GRID2: variants seen among roughly 807,000 people sequenced by gnomAD.
The protein encoded by GRID2 is glutamate receptor ionotropic, delta-2.
GRID2 carries 33 observed loss-of-function variants against 114.8 expected under a neutral mutation model. That is an observed-to-expected ratio of 0.29 (90% confidence interval 0.22 to 0.38). The LOEUF is 0.38. Among genes scored for constraint, GRID2 ranks in the 10% least tolerant of loss-of-function variants. The pLI, the probability that GRID2 is intolerant of heterozygous loss-of-function variation, is 1.00. For missense variants in GRID2, 1,184 were observed against 1,257.7 expected (o/e 0.94, Z 0.89); for synonymous variants, 505 against 449.9 (o/e 1.12, Z -1.55).
intron 2 of GRID2, among the ~76,000 whole-genome samples, chr4:92,854,053 C>T (rs1029703393): frequency 1.8e-4 from 27 of 151,552 alleles, no homozygotes; most frequent in Non-Finnish European, 4.0e-4. Flanking sequence ...TGCAATGACT[C>T]CAGAGTGCCA....
intron 2 of GRID2, among the ~76,000 whole-genome samples, chr4:92,756,723 A>AT (rs1429852216): frequency 2.6e-5 from 4 of 151,884 alleles, no homozygotes; most frequent in East Asian, 1.9e-4. Flanking sequence ...GATGTTGAAC[A>AT]TTTTTTCATA....
At chr4:92,502,222 T>C (rs1723719683) in intron 1 of GRID2, among the ~76,000 whole-genome samples, 1 of 152,132 alleles carries the variant, frequency 6.6e-6, no homozygotes, top group South Asian at 2.1e-4. Flanking sequence ...TTTTCTATTT[T>C]ATAAGTTCAA....
In GRID2 at chr4:93,361,782, A is replaced by G. The variant is rs181482990; in HGVS notation, c.1246-33825A>G. On this transcript the variant is annotated intron_variant, in intron 8 of 15. Transcript: ENST00000282020. ...AAGGACAGCAGAGACTGAGGTAAATAGTATTAATGTGTGGAAACAGGCATG... is the reference window on the plus strand; with the variant it reads ...AAGGACAGCAGAGACTGAGGTAAATGGTATTAATGTGTGGAAACAGGCATG... Among the ~76,000 whole-genome samples the G allele has an allele frequency of 2.6e-5, 4 of 152,248 alleles. No individual in the cohort carries two copies. In the East Asian group the frequency reaches 7.7e-4, roughly 29 times the overall value.
At position 92,321,154 on chromosome 4, in the gene GRID2, T is replaced by C. The variant is rs1350688439; in HGVS notation, c.88+16410T>C. 2.6e-5 allele frequency among the ~76,000 whole-genome samples: 4 copies of C among 152,146 alleles called. No homozygotes were observed. In the East Asian group the frequency reaches 7.7e-4, roughly 29 times the overall value. ...TAGCTAGAGGAAAGGAAACTTGTGCTCCAAGGATGGCAGAAGTAAAGCCTG... is the reference window on the plus strand; with the variant it reads ...TAGCTAGAGGAAAGGAAACTTGTGCCCCAAGGATGGCAGAAGTAAAGCCTG... On this transcript the variant is annotated intron_variant, in intron 1 of 15. Coordinates refer to ENST00000282020, the MANE Select transcript of GRID2 (RefSeq NM_001510.4).
intron 3 of GRID2, 136 bp from the exon 4 acceptor site, chr4:93,110,612 C>T (rs1220512773): frequency 1.6e-5 from 11 of 667,872 alleles, no homozygotes; most frequent in South Asian, 1.4e-4. Context: ...TTGAGAGTTC[C>T]GTCAGCTACT....
intron 13 of GRID2, among the ~76,000 whole-genome samples, chr4:93,540,510 A>G (rs558674205): frequency 1.3e-5 from 2 of 152,290 alleles, no homozygotes; most frequent in African/African-American, 2.4e-5. Context: ...GCATACCCCA[A>G]GTAAAAAGAA....
At chr4:92,469,428 A>G (rs1469437767) in intron 1 of GRID2, among the ~76,000 whole-genome samples, 1 of 152,088 alleles carries the variant, frequency 6.6e-6, no homozygotes, top group East Asian at 1.9e-4. Context: ...TTTGCATATA[A>G]CCTACGCACA....
At chr4:93,514,789 A>G (rs1165992886) in intron 12 of GRID2, among the ~76,000 whole-genome samples, 1 of 152,198 alleles carries the variant, frequency 6.6e-6, no homozygotes, top group Non-Finnish European at 1.5e-5. Flanking sequence ...TGTAAATTCT[A>G]TAATTTTATA....
At chr4:92,470,036 T>C (rs1721956409) in intron 1 of GRID2, among the ~76,000 whole-genome samples, 2 of 151,922 alleles carry the variant, frequency 1.3e-5, no homozygotes, top group African/African-American at 4.8e-5. Flanking sequence ...TAACAAACCC[T>C]ACTGAAAGGA....
intron 1 of GRID2, among the ~76,000 whole-genome samples, chr4:92,415,738 G>GTGTA (rs1254974795): frequency 1.2e-4 from 7 of 56,774 alleles, no homozygotes; most frequent in African/African-American, 3.2e-4. Context: ...GTGTGTATGT[G>GTGTA]TGTATATATA....
At chr4:93,318,331 T>A (rs1443157125) in intron 8 of GRID2, among the ~76,000 whole-genome samples, 1 of 151,920 alleles carries the variant, frequency 6.6e-6, no homozygotes, top group African/African-American at 2.4e-5. Context: ...TAATCAAATA[T>A]ATGCCACCAG....
chr4:93,650,268 A>C (rs1722469497), intron 14 of GRID2, among the ~76,000 whole-genome samples: 1 of 152,218 alleles, frequency 6.6e-6, no homozygotes, highest in Non-Finnish European at 1.5e-5. Flanking sequence ...GGACAAAATC[A>C]TCAGATGTTA....
chr4:93,091,208 A>G (rs1233642159), intron 3 of GRID2, among the ~76,000 whole-genome samples: 2 of 152,116 alleles, frequency 1.3e-5, no homozygotes, highest in Admixed American at 1.3e-4. Flanking sequence ...TTATGCCATC[A>G]GTTTAGTGGC....
chr4:93,225,661 T>C (rs914596294), intron 7 of GRID2, among the ~76,000 whole-genome samples: 1 of 152,060 alleles, frequency 6.6e-6, no homozygotes, highest in African/African-American at 2.4e-5. Flanking sequence ...CAGAGTAAAA[T>C]ATAAAACTTT....
At position 92,336,082 on chromosome 4, in the gene GRID2, C is replaced by T. The variant is rs573834142; in HGVS notation, c.88+31338C>T. Among the ~76,000 whole-genome samples the T allele has an allele frequency of 1.8e-4, 27 of 152,112 alleles. No homozygotes were observed. In the South Asian group the frequency reaches 4.1e-3, roughly 23 times the overall value. Reference sequence around the variant, plus strand: ...TTCATTACATACACACAAATATTTGCGGTAATGTCTATGTTATACAAGTAC... The same window carrying T: ...TTCATTACATACACACAAATATTTGTGGTAATGTCTATGTTATACAAGTAC... On this transcript the variant is annotated intron_variant, in intron 1 of 15. Transcript: ENST00000282020.
chr4:92,530,296 A>T (rs946297972), intron 1 of GRID2, among the ~76,000 whole-genome samples: 9 of 152,026 alleles, frequency 5.9e-5, no homozygotes, highest in African/African-American at 1.9e-4. Flanking sequence ...GGCTGATATT[A>T]TCTGAATGTG....
chr4:93,235,035 G>T (rs1746607901), intron 7 of GRID2, among the ~76,000 whole-genome samples: 1 of 152,016 alleles, frequency 6.6e-6, no homozygotes, highest in Admixed American at 6.6e-5. Context: ...ATGACATAAA[G>T]TCTCAGTAAT....
chr4:92,645,403 G>A (rs1731558665), intron 2 of GRID2, among the ~76,000 whole-genome samples: 3 of 151,716 alleles, frequency 2.0e-5, no homozygotes, highest in Non-Finnish European at 4.4e-5. Flanking sequence ...ATGAAAGAAG[G>A]CCAAATTTAA....
intron 1 of GRID2, among the ~76,000 whole-genome samples, chr4:92,361,313 G>C (rs564893215): frequency 6.6e-6 from 1 of 151,980 alleles, no homozygotes; most frequent in African/African-American, 2.4e-5. Context: ...AAGCAATTCT[G>C]AAATTAAAAA....
Sources: allele counts gnomAD v4.1 joint callset (sites outside exome capture counted in the v4.1 genomes callset), GRCh38; gene constraint gnomAD v4.1.1; transcripts MANE v1.5; gene names NCBI Gene and HGNC (gene_info 2026-07-23, HGNC 2026-07-21).